Variants in DSC1 observed in about 807,000 individuals in gnomAD.
The protein encoded by DSC1 is desmocollin-1.
A neutral mutation model predicts 98.8 loss-of-function variants in DSC1; 79 were observed. The ratio of observed to expected loss-of-function variants is 0.80; its 90% CI spans 0.67 to 0.96. DSC1 has a LOEUF of 0.96. Ranked by LOEUF, DSC1 falls within the 50% of genes least tolerant of loss-of-function variation. The pLI, the probability that DSC1 is intolerant of heterozygous loss-of-function variation, is 0.00. For missense variants in DSC1, 1,115 were observed against 1,075.9 expected, an observed-to-expected ratio of 1.04 and a Z score of -0.51; for synonymous variants, 405 against 372.1, an observed-to-expected ratio of 1.09 and a Z score of -1.02.
intron 6 of DSC1, among the ~76,000 whole-genome samples, chr18:31,147,729 T>C (rs954661939): frequency 2.0e-5 from 3 of 152,108 alleles, no homozygotes; most frequent in Admixed American, 6.5e-5. Context: ...ACAACACTGA[T>C]ATTATAAGAT....
Position 31,142,095 on chromosome 18 carries a change from T to C in DSC1, c.1164A>G (p.Ser388=). ...QDQDLPNTPH[S]KAVYKILQGN... ...CTTGTAGGATTTTGTATACAGCCTT[T>C]GAGTGAGGAGTGTTTGGCAAATCCT... The change falls in exon 9 of 16, where the codon TCA becomes TCG. Residue 388 remains serine (S), a synonymous_variant. Coordinates refer to ENST00000257198, the MANE Select transcript of DSC1 (RefSeq NM_024421.2). The C allele has an allele frequency of 6.2e-7, 1 of 1,613,418 alleles. No individual in the cohort carries two copies. Among genetic ancestry groups the C allele is most frequent in the South Asian group, 1.1e-5 (1 of 90,984 alleles).
rs1429081310 is a variant in DSC1, at chr18:31,134,095, CA to C, written c.1911del (p.Asp638IlefsTer11). 1 of 1,607,476 alleles carries C rather than the reference CA, an allele frequency of 6.2e-7. No homozygotes were observed. Among genetic ancestry groups the C allele is most frequent in the South Asian group, 1.1e-5 (1 of 90,996 alleles). ...ATAGGCACAGAATAATAGTTATAAT[CA>C]AGATTTTGCCGTTGACGAAGAATGG... The part of the protein sequence containing the change: ...KTAILRQRQN[L>X]DYNYYSVPIQ... On this transcript the variant is annotated frameshift_variant, in exon 13 of 16. Transcript: ENST00000257198. LOFTEE classifies it high-confidence loss of function.
intron 14 of DSC1, 101 bp downstream of exon 14, chr18:31,132,467 T>C: frequency 6.8e-7 from 1 of 1,481,250 alleles, no homozygotes; most frequent in Non-Finnish European, 9.2e-7. Flanking sequence ...GCATAGTAAG[T>C]GCTCAATAAA....
At chr18:31,142,402 T>A (rs1476628563) in intron 8 of DSC1, among the ~76,000 whole-genome samples, 1 of 152,202 alleles carries the variant, frequency 6.6e-6, no homozygotes, top group Non-Finnish European at 1.5e-5. Flanking sequence ...CCCCAAGTCT[T>A]ATCTTCTGAA....
In DSC1 at chr18:31,132,800, T is replaced by G. The variant is rs529765342; in HGVS notation, c.2117-111A>C. On this transcript the variant is annotated intron_variant, in intron 13 of 15. Coordinates refer to ENST00000257198, the MANE Select transcript of DSC1 (RefSeq NM_024421.2). ...AAAAAATTCATTCCACAAATTGAGC[T>G]CTTCAGGTCACAAGATTTAAAAACA... 8.8e-5 allele frequency: 86 copies of G among 977,014 alleles called. No homozygotes were observed. In the African/African-American group the frequency reaches 1.3e-3, roughly 14 times the overall value. The allele number at this position is 977,014 out of a possible 1,614,324, so 60.5% of individuals were successfully genotyped here.
Position 31,161,929 on chromosome 18 carries a change from CCT to C in DSC1, c.63+601_63+602del, listed in dbSNP as rs1172026109. Among the ~76,000 whole-genome samples the C allele has an allele frequency of 3.3e-5, 5 of 152,220 alleles. No homozygotes were observed. In the East Asian group the frequency reaches 9.7e-4, roughly 29 times the overall value. On this transcript the variant is annotated intron_variant, in intron 1 of 15. Transcript: ENST00000257198. The stretch of plus-strand genomic sequence containing the variant: ...ATGGACGGATGTGTGAAATAACCCC[CCT>C]CTCTTCCCTCACCTCCAAAGAAAAA...
intron 5 of DSC1, 26 bp from the exon 6 acceptor site, chr18:31,148,668 T>C (rs776811743): frequency 9.8e-6 from 15 of 1,535,796 alleles, no homozygotes; most frequent in Middle Eastern, 1.7e-4. Flanking sequence ...ATACCATCAA[T>C]GTATTCTCAA....
At position 31,148,536 on chromosome 18, in the gene DSC1, CTG is replaced by C. The variant is rs745933344; in HGVS notation, c.732_733del (p.His244GlnfsTer9). Reference sequence around the variant, plus strand: ...TTCAGGCACAGTAAAGATAGTCACTCTGTGTTCAAAATATGGGGCGTTATCAT... The same window carrying C: ...TTCAGGCACAGTAAAGATAGTCACTCTGTTCAAAATATGGGGCGTTATCAT... On this transcript the variant is annotated frameshift_variant, in exon 6 of 16. Transcript: ENST00000257198. LOFTEE classifies it high-confidence loss of function. 1 of 1,610,854 alleles carries C rather than the reference CTG, an allele frequency of 6.2e-7. No individual in the cohort carries two copies. Among genetic ancestry groups the C allele is most frequent in the Non-Finnish European group, 8.5e-7 (1 of 1,177,728 alleles).
intron 3 of DSC1, among the ~76,000 whole-genome samples, chr18:31,156,409 C>T (rs968619412): frequency 1.3e-5 from 2 of 152,090 alleles, no homozygotes; most frequent in South Asian, 4.1e-4. Flanking sequence ...TGGAAAGATG[C>T]CACTTTGAGA....
chr18:31,152,512 A>T (rs1311347463), intron 5 of DSC1, among the ~76,000 whole-genome samples: 1 of 152,222 alleles, frequency 6.6e-6, no homozygotes, highest in African/African-American at 2.4e-5. Flanking sequence ...GAAAATTCCC[A>T]GGTTTAAGGA....
At chr18:31,131,455 G>A (rs1019634718) in intron 15 of DSC1, 139 bp downstream of exon 15, 2 of 1,140,780 alleles carry the variant, frequency 1.8e-6, no homozygotes, top group African/African-American at 3.1e-5. Flanking sequence ...GTTTAAACCA[G>A]ACATCCACAT....
chr18:31,154,829 G>T lies in DSC1; in HGVS notation c.572C>A (p.Thr191Asn). Residue 191 changes from threonine (T) to asparagine (N), a missense_variant, in exon 5 of 16, where the codon ACT becomes AAT. Transcript: ENST00000257198. ...PFNLFYIEKDTGDIFCTRSID... is the reference protein window; with the variant it reads ...PFNLFYIEKDNGDIFCTRSID... ...GCTCCTTGTACAAAAGATATCCCCA[G>T]TGTCTTTCTCTATGTAAAACAAATT... is the stretch of plus-strand genomic sequence containing the variant. 1 of 1,613,876 alleles carries T rather than the reference G, an allele frequency of 6.2e-7. No individual in the cohort carries two copies.
In DSC1 at chr18:31,162,702, C is replaced by A; in HGVS notation, c.-108G>T. On this transcript the variant is annotated 5_prime_UTR_variant, in exon 1 of 16. Coordinates refer to ENST00000257198, the MANE Select transcript of DSC1 (RefSeq NM_024421.2). ...ACTTGCACAGGGTATTCTGCTGCCA[C>A]CTTGATGCAGCTGAGCTTGGTTTGG... is the stretch of plus-strand genomic sequence containing the variant. 1.1e-6 allele frequency: 1 copy of A among 915,464 alleles called. No individual in the cohort carries two copies. The highest frequency in any genetic ancestry group is 1.8e-6 in the Non-Finnish European group (1 of 569,338). The allele number at this position is 915,464 out of a possible 1,614,324, so 56.7% of individuals were successfully genotyped here. A position where few individuals can be genotyped will look rare whatever the true frequency, so the allele number is the denominator to read the frequency against.
At chr18:31,161,638 A>G (rs1180553930) in intron 1 of DSC1, among the ~76,000 whole-genome samples, 1 of 152,192 alleles carries the variant, frequency 6.6e-6, no homozygotes, top group Non-Finnish European at 1.5e-5. Flanking sequence ...ATTAGACAGT[A>G]CAGGGATCAG....
chr18:31,162,603 G>C lies in DSC1; in HGVS notation c.-9C>G. On this transcript the variant is annotated 5_prime_UTR_variant, in exon 1 of 16. Coordinates refer to ENST00000257198, the MANE Select transcript of DSC1 (RefSeq NM_024421.2). ...GCAGAGGCCAGAGCCATCAGAAGCA[G>C]TCCCAATGGCCAGGGACGGTGGCCA... is the stretch of plus-strand genomic sequence containing the variant. 1.2e-6 allele frequency: 2 copies of C among 1,614,064 alleles called. No homozygotes were observed. Among genetic ancestry groups the C allele is most frequent in the African/African-American group, 2.7e-5 (2 of 75,066 alleles).
intron 1 of DSC1, among the ~76,000 whole-genome samples, chr18:31,160,696 C>T (rs148116840): frequency 1.3e-5 from 2 of 152,152 alleles, no homozygotes; most frequent in Admixed American, 1.3e-4. Context: ...TCCCTAATGC[C>T]AAGGAACATA....
At position 31,154,807 on chromosome 18, in the gene DSC1, C is replaced by T. The variant is rs753370642; in HGVS notation, c.594G>A (p.Arg198=). ...GTTCATATTTCTCACGGTCAATGCT[C>T]CTTGTACAAAAGATATCCCCAGTGT... ...EKDTGDIFCT[R]SIDREKYEQF... The change falls in exon 5 of 16, where the codon AGG becomes AGA. Residue 198 remains arginine (R), a synonymous_variant. Coordinates refer to ENST00000257198, the MANE Select transcript of DSC1 (RefSeq NM_024421.2). The T allele has an allele frequency of 6.2e-7, 1 of 1,613,750 alleles. No individual in the cohort carries two copies. Among genetic ancestry groups the T allele is most frequent in the South Asian group, 1.1e-5 (1 of 91,032 alleles).
intron 12 of DSC1, 86 bp downstream of exon 12, chr18:31,134,486 G>A: frequency 1.2e-5 from 13 of 1,100,084 alleles, no homozygotes; most frequent in South Asian, 1.7e-5. Context: ...TAAAATAAAT[G>A]TGTATTTATT....
At chr18:31,160,847 C>A (rs1258406548) in intron 1 of DSC1, among the ~76,000 whole-genome samples, 41 of 152,082 alleles carry the variant, frequency 2.7e-4, no homozygotes, top group Non-Finnish European at 1.5e-5. Flanking sequence ...TATGCATATA[C>A]CTGTACATAT....
Sources: gnomAD v4.1 joint callset for allele counts (sites outside exome capture counted in the v4.1 genomes callset) on GRCh38, gnomAD v4.1.1 for gene constraint, MANE v1.5 for transcripts, NCBI Gene and HGNC (gene_info 2026-07-23, HGNC 2026-07-21) for gene names.